The following RFX7 variants were observed in gnomAD, a reference collection of about 807,000 sequenced individuals.
RFX7 encodes DNA-binding protein RFX7.
In RFX7, 26 loss-of-function variants were observed where a neutral mutation model predicts 111.8. The observed-to-expected ratio is 0.23, with a 90% CI of 0.17 to 0.32. The LOEUF (loss-of-function observed/expected upper bound fraction) is 0.32, where lower values mean the gene tolerates loss of function less well. RFX7 is among the 10% of genes least tolerant of loss of function. The probability of loss-of-function intolerance (pLI) is 1.00; values close to 1 mark genes in which losing one functional copy is unlikely to be tolerated. For synonymous variants in RFX7, 624 were observed against 624.4 expected, an observed-to-expected ratio of 1.00 and a Z score of 0.01; for missense variants, 1,573 against 1,772.9, an observed-to-expected ratio of 0.89 and a Z score of 2.02.
Position 56,095,482 on chromosome 15 carries a change from G to A in RFX7, c.2246C>T (p.Thr749Ile). The A allele has an allele frequency of 6.2e-7, 1 of 1,612,538 alleles. No homozygotes were observed. The highest frequency in any genetic ancestry group is 8.5e-7 in the Non-Finnish European group (1 of 1,179,840). ...TTTTATATCTGGAGATGATGATGGG[G>A]TTGTTTGCTGTTCCAAAGCTGAATC... ...ISDSALEQQT[T>I]PSSSPDIKVK... Residue 749 changes from threonine to isoleucine, a missense_variant, in exon 10 of 10, where the codon ACC (threonine) becomes ATC (isoleucine). By Grantham distance (89) the Thr-to-Ile change is moderately conservative. This residue lies in a region of RFX7 where 625 missense variants were observed against 632.2 expected (regional missense o/e 0.99). Transcript: ENST00000559447.
At chr15:56,204,412 A>C (rs1228496458) in intron 2 of RFX7, among the ~76,000 whole-genome samples, 1 of 152,146 alleles carries the variant, frequency 6.6e-6, no homozygotes, top group Non-Finnish European at 1.5e-5. Flanking sequence ...CTAATGAAAA[A>C]AACACTTTAT....
In RFX7 at chr15:56,093,473, T is replaced by C. The variant is rs2041622592; in HGVS notation, c.4255A>G (p.Thr1419Ala). The change falls in exon 10 of 10, where the codon ACA becomes GCA. Residue 1419 changes from threonine (T) to alanine (A), a missense_variant. By Grantham distance (58) the Thr-to-Ala change is moderately conservative. Transcript: ENST00000559447. ...GGGTCATTCTTTAATTCTTCCAGTG[T>C]AGCTTCATCATCTTGTCCCTGCTGA... ...GRQQGQDDEA[T>A]LEELKNDPLF... 1 of 1,613,924 alleles carries C rather than the reference T, an allele frequency of 6.2e-7. No individual in the cohort carries two copies. Among genetic ancestry groups the C allele is most frequent in the African/African-American group, 1.3e-5 (1 of 75,046 alleles).
chr15:56,145,388 T>C (rs902784642), intron 3 of RFX7, among the ~76,000 whole-genome samples: 1 of 152,190 alleles, frequency 6.6e-6, no homozygotes, highest in African/African-American at 2.4e-5. Flanking sequence ...TTTTTGAAAA[T>C]ACTTAACATG....
intron 9 of RFX7, among the ~76,000 whole-genome samples, chr15:56,097,412 C>T (rs1395810770): frequency 6.6e-6 from 1 of 151,990 alleles, no homozygotes; most frequent in African/African-American, 2.4e-5. Context: ...TTTACTCCAT[C>T]TGAATGTAAA....
chr15:56,216,288 G>A (rs1408220435), intron 2 of RFX7, among the ~76,000 whole-genome samples: 1 of 151,986 alleles, frequency 6.6e-6, no homozygotes, highest in Non-Finnish European at 1.5e-5. Flanking sequence ...TTTTCTTTGT[G>A]GGCAATTTTT....
chr15:56,180,026 T>C (rs1356071041), intron 2 of RFX7, among the ~76,000 whole-genome samples: 5 of 152,222 alleles, frequency 3.3e-5, no homozygotes, highest in Non-Finnish European at 7.3e-5. Context: ...CTTTGGATTT[T>C]GTTGTAACAC....
intron 2 of RFX7, among the ~76,000 whole-genome samples, chr15:56,236,769 T>A (rs142099433): frequency 7.0e-4 from 106 of 152,322 alleles, no homozygotes; most frequent in African/African-American, 2.4e-3. Flanking sequence ...AACATCTCTT[T>A]ATAAAGAAGA....
At position 56,128,034 on chromosome 15, in the gene RFX7, A is replaced by C. The variant is rs569544550; in HGVS notation, c.401+14744T>G. On this transcript the variant is annotated intron_variant, in intron 5 of 9. Coordinates refer to ENST00000559447, the MANE Select transcript of RFX7 (RefSeq NM_022841.7). ...ACAACAAATTGGATAATATACATGA[A>C]AGAAACAAAATTCTAGAAGAACACA... Among the ~76,000 whole-genome samples the C allele has an allele frequency of 2.0e-4, 30 of 152,308 alleles. 1 individual carries two copies. Among genetic ancestry groups the C allele is most frequent in the African/African-American group, 7.2e-4 (30 of 41,580 alleles).
chr15:56,123,239 A>G (rs76637648), intron 5 of RFX7, among the ~76,000 whole-genome samples: 1,863 of 152,114 alleles, frequency 0.012, 42 homozygotes, highest in African/African-American at 0.041. Context: ...ACCACTGCTA[A>G]TGGTATTATT....
chr15:56,130,624 A>G (rs1242140542), intron 5 of RFX7, among the ~76,000 whole-genome samples: 2 of 152,098 alleles, frequency 1.3e-5, no homozygotes, highest in Admixed American at 1.3e-4. Context: ...TAAGCATTCC[A>G]TTTAAAGAGT....
Position 56,094,267 on chromosome 15 carries a change from G to C in RFX7, c.3461C>G (p.Thr1154Ser). The C allele has an allele frequency of 6.2e-7, 1 of 1,613,950 alleles. No homozygotes were observed. The highest frequency in any genetic ancestry group is 8.5e-7 in the Non-Finnish European group (1 of 1,179,884). ...AVPAPLDNKG[T>S]NSSASSNFRC... ...GAAGTTGCTGCTGGCAGATGAATTAGTTCCTTTATTATCAAGAGGGGCAGG... is the reference window on the plus strand; with the variant it reads ...GAAGTTGCTGCTGGCAGATGAATTACTTCCTTTATTATCAAGAGGGGCAGG... The change falls in exon 10 of 10, where the codon ACT (threonine) becomes AGT (serine). Residue 1154 changes from threonine to serine, a missense_variant. Transcript: ENST00000559447.
At position 56,144,976 on chromosome 15, in the gene RFX7, C is replaced by T. The variant is rs150965407; in HGVS notation, c.196-493G>A. Among the ~76,000 whole-genome samples, 594 of 152,276 alleles carry T rather than the reference C, an allele frequency of 3.9e-3. 3 individuals carry two copies. The highest frequency in any genetic ancestry group is 0.014 in the African/African-American group (569 of 41,562). ...TATTTACAACATGTGACTGATGGTG[C>T]TACTGTTACCTGTGGATGGAACTGA... On this transcript the variant is annotated intron_variant, in intron 3 of 9. Coordinates refer to ENST00000559447, the MANE Select transcript of RFX7 (RefSeq NM_022841.7).
chr15:56,162,377 A>C, intron 3 of RFX7, among the ~76,000 whole-genome samples: 1 of 152,126 alleles, frequency 6.6e-6, no homozygotes, highest in South Asian at 2.1e-4. Context: ...GAAAAATTAG[A>C]ATACTGTAAG....
At chr15:56,198,963 C>G (rs1355774249) in intron 2 of RFX7, among the ~76,000 whole-genome samples, 1 of 151,410 alleles carries the variant, frequency 6.6e-6, no homozygotes, top group East Asian at 1.9e-4. Context: ...GAGTTCAAGA[C>G]CAGCCTGTTC....
In RFX7 at chr15:56,176,667, T is replaced by C. The variant is rs550464915; in HGVS notation, c.195+2603A>G. Among the ~76,000 whole-genome samples the C allele has an allele frequency of 2.0e-5, 3 of 152,184 alleles. No homozygotes were observed. In the East Asian group the frequency reaches 5.8e-4, roughly 29 times the overall value. ...ATTCATTACACACAAACCTGTGGTA[T>C]AATAAATACTAGAAGAACTGCTTTA... On this transcript the variant is annotated intron_variant, in intron 3 of 9. Coordinates refer to ENST00000559447, the MANE Select transcript of RFX7 (RefSeq NM_022841.7).
intron 2 of RFX7, among the ~76,000 whole-genome samples, chr15:56,219,745 T>A (rs1444372414): frequency 6.6e-6 from 1 of 152,226 alleles, no homozygotes; most frequent in Admixed American, 6.5e-5. Context: ...TTTACCACAT[T>A]TTCTTCATCC....
chr15:56,107,522 T>C (rs1176613270), intron 5 of RFX7, among the ~76,000 whole-genome samples: 1 of 152,038 alleles, frequency 6.6e-6, no homozygotes, highest in Non-Finnish European at 1.5e-5. Context: ...TACAAAAATA[T>C]AAACAATGAA....
At chr15:56,107,124 T>G (rs1454912547) in intron 5 of RFX7, among the ~76,000 whole-genome samples, 1 of 151,812 alleles carries the variant, frequency 6.6e-6, no homozygotes, top group Non-Finnish European at 1.5e-5. Context: ...GGTGAAACCC[T>G]GCCTCTACTA....
chr15:56,117,660 G>T (rs370718298), intron 5 of RFX7, among the ~76,000 whole-genome samples: 36 of 151,980 alleles, frequency 2.4e-4, no homozygotes, highest in Middle Eastern at 3.4e-3. Context: ...AGTATCTTCT[G>T]TTCTACCTTT....
Sources: gnomAD v4.1 joint callset for allele counts (sites outside exome capture counted in the v4.1 genomes callset) on GRCh38, gnomAD v4.1.1 for gene constraint, gnomAD v4.1.1 regional missense constraint, MANE v1.5 for transcripts, NCBI Gene and HGNC (gene_info 2026-07-23, HGNC 2026-07-21) for gene names.